Variants in ZNF385D observed in about 807,000 individuals in gnomAD.
The protein encoded by ZNF385D is zinc finger protein 385D.
In ZNF385D, 15 loss-of-function variants were observed where a neutral mutation model predicts 35.8. The observed-to-expected ratio is 0.42, with a 90% CI of 0.28 to 0.64. The LOEUF (loss-of-function observed/expected upper bound fraction) is 0.64. Among genes scored for constraint, ZNF385D ranks in the 30% least tolerant of loss-of-function variants. The probability of loss-of-function intolerance (pLI) is 0.23; values close to 1 mark genes in which losing one functional copy is unlikely to be tolerated. For missense variants in ZNF385D, 474 were observed against 494.6 expected (o/e 0.96, Z 0.39); for synonymous variants, 212 against 186.8 (o/e 1.13, Z -1.10).
At chr3:21,481,560 C>T (rs778952404) in intron 4 of ZNF385D, among the ~76,000 whole-genome samples, 16 of 152,114 alleles carry the variant, frequency 1.1e-4, no homozygotes, top group Admixed American at 2.6e-4. Context: ...GACAGGGTCT[C>T]GCTCTGTCAT....
intron 4 of ZNF385D, among the ~76,000 whole-genome samples, chr3:21,509,011 T>C (rs1393691721): frequency 1.3e-5 from 2 of 149,588 alleles, no homozygotes; most frequent in Non-Finnish European, 3.0e-5. Flanking sequence ...GGAGTCTCGC[T>C]CTATCGCCCA....
rs181543889 is a variant in ZNF385D, at chr3:21,932,524, T to C, written c.325+236293A>G. Reference sequence around the variant, plus strand: ...AAATATTGAATAGCAGTGAGTTTGATGTTATAATCCCTGACAAGTATCTGT... The same window carrying C: ...AAATATTGAATAGCAGTGAGTTTGACGTTATAATCCCTGACAAGTATCTGT... On this transcript the variant is annotated intron_variant, in intron 3 of 5. Coordinates refer to the ZNF385D transcript ENST00000494108. 2.0e-5 allele frequency among the ~76,000 whole-genome samples: 3 copies of C among 152,170 alleles called. No individual in the cohort carries two copies. In the East Asian group the frequency reaches 5.8e-4, roughly 30 times the overall value.
At chr3:22,212,742 T>TA (rs796509681) in intron 2 of ZNF385D, among the ~76,000 whole-genome samples, 180 of 152,076 alleles carry the variant, frequency 1.2e-3, no homozygotes, top group African/African-American at 4.0e-3. Context: ...AAAATAATTA[T>TA]AAAAAGAAAT....
intron 3 of ZNF385D, among the ~76,000 whole-genome samples, chr3:21,941,583 C>T (rs887646127): frequency 2.0e-5 from 3 of 150,046 alleles, no homozygotes; most frequent in South Asian, 2.1e-4. Flanking sequence ...CTGCAACCTC[C>T]GCCTCCCGGG....
At chr3:21,949,772 G>C (rs1393291870) in intron 3 of ZNF385D, among the ~76,000 whole-genome samples, 1 of 151,732 alleles carries the variant, frequency 6.6e-6, no homozygotes, top group Non-Finnish European at 1.5e-5. Flanking sequence ...TGTTCTCATT[G>C]TTCGACTCCC....
At position 22,244,495 on chromosome 3, in the gene ZNF385D, T is replaced by C. The variant is rs113838747; in HGVS notation, c.107-75460A>G. Among the ~76,000 whole-genome samples, 1,085 of 150,848 alleles carry C rather than the reference T, an allele frequency of 7.2e-3. 22 individuals are homozygous for C. The highest frequency in any genetic ancestry group is 0.014 in the Admixed American group (216 of 15,094). On this transcript the variant is annotated intron_variant, in intron 2 of 5. Transcript: ENST00000494108. ...TTTATCTTTTGTTACTTAAATAATA[T>C]TCCAATCAGAATGAAACCCTTACTA... is the stretch of plus-strand genomic sequence containing the variant.
At chr3:21,716,077 C>A (rs1304817615) in intron 1 of ZNF385D, among the ~76,000 whole-genome samples, 1 of 152,036 alleles carries the variant, frequency 6.6e-6, no homozygotes, top group Admixed American at 6.6e-5. Context: ...TACCCCACAC[C>A]CAACCCCTCA....
intron 3 of ZNF385D, among the ~76,000 whole-genome samples, chr3:21,919,549 G>C (rs563788427): frequency 2.0e-5 from 3 of 152,178 alleles, no homozygotes; most frequent in Non-Finnish European, 4.4e-5. Flanking sequence ...AGAAGTTTGG[G>C]AACAGTTTCT....
chr3:22,342,789 ATAAT>A (rs1695484292), intron 2 of ZNF385D, among the ~76,000 whole-genome samples: 1 of 152,216 alleles, frequency 6.6e-6, no homozygotes, highest in African/African-American at 2.4e-5. Context: ...CCAATGGATT[ATAAT>A]TAAGTCATGT....
Position 21,761,868 on chromosome 3 carries a change from C to CTTTTTTTT in ZNF385D, c.326-96841_326-96840insAAAAAAAA, listed in dbSNP as rs1559596529. On this transcript the variant is annotated intron_variant, in intron 3 of 5. Transcript: ENST00000494108. ...ATTATGATTTCAAGAGCATTTTCTT[C>CTTTTTTTT]CTTTTTTTTTTTTTTTTTTTTTTTT... 1.9e-5 allele frequency among the ~76,000 whole-genome samples: 2 copies of CTTTTTTTT among 102,916 alleles called. 1 individual carries two copies. The highest frequency in any genetic ancestry group is 7.2e-5 in the African/African-American group (2 of 27,694). 67.5% of individuals were successfully genotyped at this position (102,916 alleles called of 152,430 possible). A position where few individuals can be genotyped will look rare whatever the true frequency, so the allele number is the denominator to read the frequency against.
At chr3:21,489,261 G>A (rs1032834204) in intron 4 of ZNF385D, among the ~76,000 whole-genome samples, 3 of 152,068 alleles carry the variant, frequency 2.0e-5, no homozygotes, top group Non-Finnish European at 4.4e-5. Context: ...ACTGGAGATA[G>A]AACTCAAGAT....
chr3:21,543,606 T>C (rs2062262946), intron 3 of ZNF385D, among the ~76,000 whole-genome samples: 1 of 152,166 alleles, frequency 6.6e-6, no homozygotes, highest in South Asian at 2.1e-4. Flanking sequence ...GTAATTAAGC[T>C]TTAACTTTTC....
In ZNF385D at chr3:21,885,411, G is replaced by A. The variant is rs148652462; in HGVS notation, c.326-220383C>T. ...CCCTAATATTGTGACACAATTGTTA[G>A]CAACAAAATTTGATGAAAAAAATAG... On this transcript the variant is annotated intron_variant, in intron 3 of 5. Transcript: ENST00000494108. 2.0e-4 allele frequency among the ~76,000 whole-genome samples: 30 copies of A among 151,800 alleles called. 1 individual carries two copies. In the East Asian group the frequency reaches 5.2e-3, roughly 27 times the overall value.
At chr3:21,779,411 A>G (rs938233694) in intron 3 of ZNF385D, among the ~76,000 whole-genome samples, 1 of 151,948 alleles carries the variant, frequency 6.6e-6, no homozygotes, top group African/African-American at 2.4e-5. Flanking sequence ...AAATGTGAGG[A>G]AAAAAACATT....
At position 21,908,164 on chromosome 3, in the gene ZNF385D, A is replaced by ATCTATCTC. The variant is rs1553696893; in HGVS notation, c.326-243137_326-243136insGAGATAGA. Among the ~76,000 whole-genome samples, 680 of 148,818 alleles carry ATCTATCTC rather than the reference A, an allele frequency of 4.6e-3. 12 individuals are homozygous for ATCTATCTC. The highest frequency in any genetic ancestry group is 9.7e-3 in the South Asian group (43 of 4,426). ...TATCTATCTATCTATCTATCTATCT[A>ATCTATCTC]TCTATCTATATATGTATAAAGGATT... On this transcript the variant is annotated intron_variant, in intron 3 of 5. Coordinates refer to the ZNF385D transcript ENST00000494108.
intron 4 of ZNF385D, among the ~76,000 whole-genome samples, chr3:21,492,689 C>T (rs762115541): frequency 9.9e-5 from 15 of 151,654 alleles, no homozygotes; most frequent in South Asian, 2.1e-4. Flanking sequence ...GAGGATGAGG[C>T]GGGAGAATTG....
At chr3:21,737,152 C>G (rs544486270) in intron 1 of ZNF385D, among the ~76,000 whole-genome samples, 1 of 152,138 alleles carries the variant, frequency 6.6e-6, no homozygotes, top group Non-Finnish European at 1.5e-5. Context: ...GTTGGCCAGG[C>G]TGGTCTTGAA....
At chr3:22,312,027 G>A (rs184769769) in intron 2 of ZNF385D, among the ~76,000 whole-genome samples, 6 of 152,094 alleles carry the variant, frequency 3.9e-5, no homozygotes, top group East Asian at 3.9e-4. Flanking sequence ...CCTCCGAATC[G>A]ACCACCACTT....
intron 3 of ZNF385D, among the ~76,000 whole-genome samples, chr3:21,839,678 T>A (rs150210876): frequency 6.6e-6 from 1 of 152,068 alleles, no homozygotes; most frequent in Non-Finnish European, 1.5e-5. Context: ...CCACATCACT[T>A]TGCCTTCACT....
Sources: gnomAD v4.1 joint callset for allele counts (sites outside exome capture counted in the v4.1 genomes callset) on GRCh38, gnomAD v4.1.1 for gene constraint, MANE v1.5 for transcripts, NCBI Gene and HGNC (gene_info 2026-07-23, HGNC 2026-07-21) for gene names.